Variants in CEP128 observed in about 807,000 individuals in gnomAD.
CEP128 encodes centrosomal protein 128kDa.
CEP128 carries 132 observed loss-of-function variants against 156.7 expected under a neutral mutation model. The observed-to-expected ratio is 0.84, with a 90% confidence interval of 0.73 to 0.97. The LOEUF is 0.97. CEP128 is among the 50% of genes least tolerant of loss of function. The pLI is 0.00. For missense variants in CEP128, 1,252 were observed against 1,281.9 expected (o/e 0.98, Z 0.36); for synonymous variants, 469 against 448.9 (o/e 1.04, Z -0.57).
chr14:80,553,227 C>A (rs992189789), intron 21 of CEP128, among the ~76,000 whole-genome samples: 3 of 152,004 alleles, frequency 2.0e-5, no homozygotes, highest in Admixed American at 2.0e-4. Flanking sequence ...AGATATTTGT[C>A]CTAATGCTCT....
At chr14:80,570,111 A>C (rs900257228) in intron 20 of CEP128, among the ~76,000 whole-genome samples, 1 of 152,050 alleles carries the variant, frequency 6.6e-6, no homozygotes, top group Non-Finnish European at 1.5e-5. Context: ...TACTTTTAAC[A>C]TATGTTCTTT....
intron 21 of CEP128, among the ~76,000 whole-genome samples, chr14:80,533,330 CT>C (rs1201906421): frequency 6.6e-6 from 1 of 151,940 alleles, no homozygotes; most frequent in Non-Finnish European, 1.5e-5. Context: ...ACTTTATTTC[CT>C]TTTTTTGTTC....
intron 2 of CEP128, among the ~76,000 whole-genome samples, chr14:80,921,700 A>G (rs999633263): frequency 5.3e-5 from 8 of 152,316 alleles, no homozygotes; most frequent in East Asian, 1.9e-4. Context: ...GCAGTGGCTC[A>G]TGCCTGTTAT....
chr14:80,769,549 T>A (rs1900411842), intron 16 of CEP128, among the ~76,000 whole-genome samples: 1 of 152,148 alleles, frequency 6.6e-6, no homozygotes, highest in South Asian at 2.1e-4. Context: ...GAATGATGGT[T>A]TCCAGCTTCA....
intron 19 of CEP128, among the ~76,000 whole-genome samples, chr14:80,684,569 G>C (rs981350227): frequency 1.3e-5 from 2 of 151,754 alleles, no homozygotes; most frequent in Admixed American, 6.6e-5. Flanking sequence ...AATCAAGGAG[G>C]AGTAACTCCT....
chr14:80,576,699 G>A (rs1039448264), intron 20 of CEP128, among the ~76,000 whole-genome samples: 2 of 151,864 alleles, frequency 1.3e-5, no homozygotes, highest in African/African-American at 4.8e-5. Context: ...GAATTTGGAT[G>A]TCTCTCCCCA....
chr14:80,661,179 T>C (rs1895386181), intron 19 of CEP128, among the ~76,000 whole-genome samples: 3 of 151,960 alleles, frequency 2.0e-5, no homozygotes, highest in Admixed American at 6.6e-5. Context: ...CCGAAAGGAA[T>C]AGTTTAAAAT....
At chr14:80,925,428 A>C (rs1302601680) in intron 2 of CEP128, among the ~76,000 whole-genome samples, 1 of 152,180 alleles carries the variant, frequency 6.6e-6, no homozygotes, top group Non-Finnish European at 1.5e-5. Flanking sequence ...GTGAGAAAAA[A>C]ACTGTTAGAA....
chr14:80,629,448 A>G (rs1229667375), intron 19 of CEP128, among the ~76,000 whole-genome samples: 2 of 152,148 alleles, frequency 1.3e-5, no homozygotes, highest in East Asian at 1.9e-4. Context: ...AAAATGACAA[A>G]AAGTTCCTCT....
intron 13 of CEP128, among the ~76,000 whole-genome samples, chr14:80,823,852 C>T (rs1391050128): frequency 1.3e-5 from 2 of 152,240 alleles, no homozygotes; most frequent in African/African-American, 2.4e-5. Flanking sequence ...CCTCTTCTCA[C>T]AGTTCCACTG....
intron 21 of CEP128, among the ~76,000 whole-genome samples, chr14:80,549,290 T>C (rs1890116307): frequency 1.3e-5 from 2 of 152,288 alleles, no homozygotes; most frequent in Non-Finnish European, 1.5e-5. Context: ...GTGCAAAACC[T>C]TTTTCCGGTT....
chr14:80,627,060 C>G (rs1470244557), intron 19 of CEP128, among the ~76,000 whole-genome samples: 1 of 152,174 alleles, frequency 6.6e-6, no homozygotes, highest in Non-Finnish European at 1.5e-5. Flanking sequence ...AGACCCACAG[C>G]ATATTTAGAA....
At chr14:80,595,554 T>C (rs184683840) in intron 19 of CEP128, among the ~76,000 whole-genome samples, 9 of 152,288 alleles carry the variant, frequency 5.9e-5, no homozygotes, top group East Asian at 5.8e-4. Context: ...TGGTATCACA[T>C]AGACTGATAA....
At chr14:80,747,530 CA>C (rs1259931868) in intron 18 of CEP128, among the ~76,000 whole-genome samples, 2 of 152,088 alleles carry the variant, frequency 1.3e-5, no homozygotes, top group African/African-American at 2.4e-5. Context: ...TATTTATGGC[CA>C]GGGGCAATGG....
chr14:80,725,553 C>G (rs1051358920), intron 19 of CEP128, among the ~76,000 whole-genome samples: 1 of 152,020 alleles, frequency 6.6e-6, no homozygotes, highest in Non-Finnish European at 1.5e-5. Context: ...CACAAGTTCC[C>G]TCTATTTCAC....
intron 19 of CEP128, among the ~76,000 whole-genome samples, chr14:80,704,202 G>T (rs987177973): frequency 1.3e-5 from 2 of 152,002 alleles, no homozygotes; most frequent in Admixed American, 6.6e-5. Context: ...TAGATCATTA[G>T]AAGATTTTAC....
intron 19 of CEP128, among the ~76,000 whole-genome samples, chr14:80,710,852 C>T (rs28640160): frequency 0.066 from 9,970 of 152,088 alleles, 1,082 homozygotes; most frequent in African/African-American, 0.23. Context: ...AATTTCAAGA[C>T]CATAATATGA....
At chr14:80,540,956 T>G (rs1180156157) in intron 21 of CEP128, among the ~76,000 whole-genome samples, 1 of 152,218 alleles carries the variant, frequency 6.6e-6, no homozygotes, top group African/African-American at 2.4e-5. Context: ...TGTAAACTTC[T>G]GAAAATGTCA....
At chr14:80,764,300 C>A (rs1900123366) in intron 16 of CEP128, among the ~76,000 whole-genome samples, 1 of 151,978 alleles carries the variant, frequency 6.6e-6, no homozygotes, top group East Asian at 1.9e-4. Context: ...AGATCGAGAC[C>A]ATCCTGGCTA....
Sources: gnomAD v4.1 joint callset for allele counts (sites outside exome capture counted in the v4.1 genomes callset) on GRCh38, gnomAD v4.1.1 for gene constraint, MANE v1.5 for transcripts, NCBI Gene and HGNC (gene_info 2026-07-23, HGNC 2026-07-21) for gene names.